Variants in PLXNB3 observed in about 807,000 individuals in gnomAD.
PLXNB3 encodes the protein plexin B3, also known as plexin-B3.
A neutral mutation model predicts 125.7 loss-of-function variants in PLXNB3; 80 were observed. The ratio of observed to expected loss-of-function variants is 0.64; its 90% CI spans 0.53 to 0.77. The LOEUF (loss-of-function observed/expected upper bound fraction) is 0.77. Ranked by LOEUF, PLXNB3 falls within the 30% of genes least tolerant of loss-of-function variation. PLXNB3 has a pLI of 0.00. For missense variants in PLXNB3, 1,836 were observed against 1,729.3 expected, an observed-to-expected ratio of 1.06 and a Z score of -1.09; for synonymous variants, 954 against 783.3, an observed-to-expected ratio of 1.22 and a Z score of -3.64.
intron 28 of PLXNB3, 90 bp from the exon 29 acceptor site, chrX:153,776,796 TG>T: frequency 7.6e-6 from 3 of 397,111 alleles, no homozygotes; most frequent in Non-Finnish European, 1.1e-5. Flanking sequence ...AGGGCGGGTC[TG>T]GGGCGGGGAA....
chrX:153,767,939 C>A, intron 3 of PLXNB3, 26 bp downstream of exon 3: 1 of 1,078,835 alleles, frequency 9.3e-7, no homozygotes, highest in East Asian at 3.4e-5. Flanking sequence ...TTCCATCCCC[C>A]CTCTCTGTGG....
chrX:153,764,576 G>A (rs920172984), intron 1 of PLXNB3, among the ~76,000 whole-genome samples: 2 of 112,975 alleles, frequency 1.8e-5, no homozygotes, highest in Non-Finnish European at 3.8e-5. Context: ...GAGGCTGCCC[G>A]CCTGGCTCCC....
Position 153,768,368 on chromosome X carries a change from T to C in PLXNB3, c.1206T>C (p.Ala402=), listed in dbSNP as rs942088015. ...GGCAGCCGGTCAGCGCCGTGGCAGC[T>C]CTCCAGGCAGATGGGCACATGATAG... ...KLGQPVSAVA[A]LQADGHMIAF... The change falls in exon 4 of 36, where the codon GCT becomes GCC. Residue 402 remains alanine (A), a synonymous_variant. Transcript: ENST00000361971. 2 of 1,210,124 alleles carry C rather than the reference T, an allele frequency of 1.7e-6. No homozygotes were observed. The highest frequency in any genetic ancestry group is 5.9e-5 in the East Asian group (2 of 33,784).
chrX:153,776,428 G>A lies in PLXNB3; in HGVS notation c.4802G>A (p.Trp1601Ter), dbSNP rs782755006. ...TTGACCTCCGTGACCCAAAACCACT[G>A]GAAGAGACTCAACACCTTGCAACAC... ...EDLTSVTQNH[W>*]KRLNTLQHYK... Residue 1601 changes from tryptophan (W) to a stop codon, truncating the protein, a stop_gained, in exon 28 of 36, where the codon TGG becomes TAG. Transcript: ENST00000361971. LOFTEE classifies it high-confidence loss of function. 10 of 1,177,697 alleles carry A rather than the reference G, an allele frequency of 8.5e-6. No homozygotes were observed. The highest frequency in any genetic ancestry group is 1.0e-5 in the Non-Finnish European group (9 of 874,576).
Position 153,776,870 on chromosome X carries a change from C to T in PLXNB3, c.4834-17C>T. ...TGGCTAGGGGTCAGCACAGCCTCCG[C>T]TCCCCATCTCTGCCAGGTCCCAGAT... On this transcript the variant is annotated splice_polypyrimidine_tract_variant and intron_variant, in intron 28 of 35. Coordinates refer to ENST00000361971, the MANE Select transcript of PLXNB3 (RefSeq NM_005393.3). 1.5e-5 allele frequency: 17 copies of T among 1,135,059 alleles called. No individual in the cohort carries two copies. Among genetic ancestry groups the T allele is most frequent in the Middle Eastern group, 2.7e-4 (1 of 3,750 alleles). 93.5% of individuals were successfully genotyped at this position (1,135,059 alleles called of 1,213,427 possible).
rs369778522 is a variant in PLXNB3, at chrX:153,767,274, C to T, written c.447C>T (p.Ala149=). 2.3e-5 allele frequency: 28 copies of T among 1,204,948 alleles called. No homozygotes were observed. The highest frequency in any genetic ancestry group is 1.4e-4 in the African/African-American group (8 of 57,484). ...VCETRRLGDV[A]EVLYQAEDPG... ...AGACACGGCGCCTTGGGGATGTGGC[C>T]GAGGTGCTGTACCAGGCTGAGGACC... The change falls in exon 3 of 36, where the codon GCC becomes GCT. Residue 149 remains alanine (A), a synonymous_variant. Coordinates refer to ENST00000361971, the MANE Select transcript of PLXNB3 (RefSeq NM_005393.3).
chrX:153,767,521 A>G lies in PLXNB3; in HGVS notation c.694A>G (p.Asn232Asp). 8.5e-7 allele frequency: 1 copy of G among 1,179,900 alleles called. No homozygotes were observed. The highest frequency in any genetic ancestry group is 1.1e-6 in the Non-Finnish European group (1 of 879,605). The change falls in exon 3 of 36, where the codon AAC becomes GAC. Residue 232 changes from asparagine to aspartate, a missense_variant. Transcript: ENST00000361971. ...LVVGDFSDYN[N>D]SYVGAFADAR... ...GGTGGGCGACTTCTCCGACTACAAC[A>G]ACAGCTACGTCGGGGCCTTTGCCGA...
intron 16 of PLXNB3, 122 bp from the exon 17 acceptor site, chrX:153,772,764 C>T (rs2091946480): frequency 9.6e-7 from 1 of 1,038,428 alleles, no homozygotes; most frequent in Non-Finnish European, 1.2e-6. Context: ...TCCACTTTGG[C>T]CCCAGGAGGT....
At chrX:153,768,220 G>T (rs996867220) in intron 3 of PLXNB3, 29 bp from the exon 4 acceptor site, 1 of 1,163,526 alleles carries the variant, frequency 8.6e-7, no homozygotes, top group Non-Finnish European at 1.2e-6. Flanking sequence ...TCTCTTCCGG[G>T]GGCTGATTCT....
chrX:153,772,811 G>A (rs938733471), intron 16 of PLXNB3, 75 bp from the exon 17 acceptor site: 5 of 1,048,055 alleles, frequency 4.8e-6, no homozygotes, highest in Admixed American at 4.6e-5. Context: ...GAACCGGAGG[G>A]CCTTGGGCAT....
rs782548296 is a variant in PLXNB3 at position 153,770,193 on chromosome X, C to A, written c.1731C>A (p.His577Gln). Residue 577 changes from histidine (H) to glutamine (Q), a missense_variant, in exon 8 of 36, where the codon CAC becomes CAA. Physicochemically the swap from His to Gln is conservative, Grantham distance 24. Coordinates refer to ENST00000361971, the MANE Select transcript of PLXNB3 (RefSeq NM_005393.3). ...YDSLAHVEGP[H>Q]VACVTPPQDQ... Reference sequence around the variant, plus strand: ...GCTTGGCTCATGTGGAAGGGCCCCACGTGGCCTGTGTCACCCCTCCCCAAG... The same window carrying A: ...GCTTGGCTCATGTGGAAGGGCCCCAAGTGGCCTGTGTCACCCCTCCCCAAG... The A allele has an allele frequency of 8.3e-7, 1 of 1,209,944 alleles. No individual in the cohort carries two copies. Among genetic ancestry groups the A allele is most frequent in the Non-Finnish European group, 1.1e-6 (1 of 895,260 alleles).
At position 153,772,192 on chromosome X, in the gene PLXNB3, G is replaced by C. The variant is rs782319488; in HGVS notation, c.2680G>C (p.Val894Leu). 2 of 1,203,553 alleles carry C rather than the reference G, an allele frequency of 1.7e-6. No homozygotes were observed. The highest frequency in any genetic ancestry group is 1.1e-6 in the Non-Finnish European group (1 of 892,173). Reference protein sequence around the residue: ...LYRTSARIVCVTSPAPNGTTG... With the variant: ...LYRTSARIVCLTSPAPNGTTG... The stretch of plus-strand genomic sequence containing the variant: ...GCCTCGGCTTTCCAGGATTGTGTGT[G>C]TGACATCTCCTGCCCCCAATGGCAC... The change falls in exon 16 of 36, where the codon GTG (valine) becomes CTG (leucine). Residue 894 changes from valine to leucine, a missense_variant. Transcript: ENST00000361971.
chrX:153,770,048 C>T, intron 7 of PLXNB3, 44 bp from the exon 8 acceptor site: 2 of 1,201,880 alleles, frequency 1.7e-6, no homozygotes, highest in Non-Finnish European at 1.1e-6. Flanking sequence ...CTGCTGCCCC[C>T]TCTCTCTGGC....
At chrX:153,776,313 G>T (rs782338070) in intron 27 of PLXNB3, 43 bp from the exon 28 acceptor site, 3 of 1,103,497 alleles carry the variant, frequency 2.7e-6, no homozygotes, top group Non-Finnish European at 3.7e-6. Flanking sequence ...TGTGGGGCGT[G>T]GAGAGCAGGC....
rs1032206231 is a variant in PLXNB3 at position 153,775,519 on chromosome X, G to A, written c.4335-75G>A. Reference sequence around the variant, plus strand: ...GTGGGGCCAGGAAGCCCCAGCAGGTGGGGGGAAGGAAAGTGAGATGTCCTC... The same window carrying A: ...GTGGGGCCAGGAAGCCCCAGCAGGTAGGGGGAAGGAAAGTGAGATGTCCTC... On this transcript the variant is annotated intron_variant, in intron 25 of 35. Coordinates refer to ENST00000361971, the MANE Select transcript of PLXNB3 (RefSeq NM_005393.3). The A allele has an allele frequency of 3.5e-6, 4 of 1,155,663 alleles. No homozygotes were observed. The East Asian group carries it at 9.0e-5, about 26-fold the overall frequency.
Position 153,770,223 on chromosome X carries a change from G to A in PLXNB3, c.1761G>A (p.Gln587=). 1 of 1,211,290 alleles carries A rather than the reference G, an allele frequency of 8.3e-7. No individual in the cohort carries two copies. The highest frequency in any genetic ancestry group is 1.1e-6 in the Non-Finnish European group (1 of 895,543). The change falls in exon 8 of 36, where the codon CAG becomes CAA. Residue 587 remains glutamine, a synonymous_variant. Coordinates refer to ENST00000361971, the MANE Select transcript of PLXNB3 (RefSeq NM_005393.3). Reference sequence around the variant, plus strand: ...CCTGTGTCACCCCTCCCCAAGACCAGGTGCCACTTAACCCTCCAGGCACAG... The same window carrying A: ...CCTGTGTCACCCCTCCCCAAGACCAAGTGCCACTTAACCCTCCAGGCACAG... ...HVACVTPPQD[Q]VPLNPPGTDH...
At chrX:153,764,977 C>A (rs1350720298) in intron 1 of PLXNB3, among the ~76,000 whole-genome samples, 1 of 113,101 alleles carries the variant, frequency 8.8e-6, no homozygotes, top group African/African-American at 3.2e-5. Flanking sequence ...GGAGGAAGAT[C>A]TTTTGGACAA....
intron 4 of PLXNB3, among the ~76,000 whole-genome samples, chrX:153,768,707 G>A (rs1384748197): frequency 1.8e-5 from 2 of 112,443 alleles, no homozygotes; most frequent in Non-Finnish European, 3.8e-5. Context: ...CCACCTGGCA[G>A]AACTGTCCCT....
chrX:153,772,603 TG>T, intron 16 of PLXNB3: 1 of 752,304 alleles, frequency 1.3e-6, no homozygotes, highest in Non-Finnish European at 1.8e-6. Flanking sequence ...GCTCCAGGTC[TG>T]GGGGCTGTAA....
Sources: gnomAD v4.1 joint callset for allele counts (sites outside exome capture counted in the v4.1 genomes callset) on GRCh38, gnomAD v4.1.1 for gene constraint, MANE v1.5 for transcripts, NCBI Gene and HGNC (gene_info 2026-07-23, HGNC 2026-07-21) for gene names.